Variants in MACROD2 observed in about 807,000 individuals in gnomAD.
The protein encoded by MACROD2 is ADP-ribose glycohydrolase MACROD2.
MACROD2 carries 36 observed loss-of-function variants against 70.4 expected under a neutral mutation model. The observed-to-expected ratio is 0.51, with a 90% CI of 0.39 to 0.68. The LOEUF (loss-of-function observed/expected upper bound fraction) is 0.68, where lower values mean the gene tolerates loss of function less well. MACROD2 is among the 30% of genes least tolerant of loss of function. MACROD2 has a pLI of 0.00. For synonymous variants in MACROD2, 172 were observed against 178.8 expected (o/e 0.96, Z 0.30); for missense variants, 496 against 538.4 (o/e 0.92, Z 0.78).
chr20:14,423,226 A>C (rs975739663), intron 3 of MACROD2, among the ~76,000 whole-genome samples: 1 of 151,678 alleles, frequency 6.6e-6, no homozygotes. Context: ...ACACCACAAA[A>C]TTTTCTATTA....
rs143487405 is a variant in MACROD2 at position 14,411,835 on chromosome 20, C to A, written c.272-81644C>A. Among the ~76,000 whole-genome samples the A allele has an allele frequency of 2.6e-4, 40 of 152,270 alleles. No individual in the cohort carries two copies. In the East Asian group the frequency reaches 7.5e-3, roughly 29 times the overall value. On this transcript the variant is annotated intron_variant, in intron 3 of 17. Coordinates refer to ENST00000684519, the MANE Select transcript of MACROD2 (RefSeq NM_001351661.2). ...CCATAGACTGCGATGAAAATAGCAT[C>A]CCCTAGAGTTTATGCAGCTTGATAG...
At chr20:15,431,817 G>A (rs1057199805) in intron 7 of MACROD2, among the ~76,000 whole-genome samples, 7 of 151,916 alleles carry the variant, frequency 4.6e-5, no homozygotes, top group Non-Finnish European at 1.0e-4. Context: ...CAAAATAATA[G>A]AAAAATTAAA....
chr20:15,804,113 T>A (rs877271), intron 8 of MACROD2, among the ~76,000 whole-genome samples: 32,273 of 152,130 alleles, frequency 0.21, 3,490 homozygotes, highest in African/African-American at 0.22. Flanking sequence ...TTTTGGATGA[T>A]GAAGTGGCTT....
chr20:14,391,144 G>C (rs1372828702), intron 3 of MACROD2, among the ~76,000 whole-genome samples: 1 of 152,028 alleles, frequency 6.6e-6, no homozygotes, highest in East Asian at 1.9e-4. Flanking sequence ...CAAAATATCA[G>C]TTGTTCTGTT....
At chr20:14,217,063 G>A (rs181366822) in intron 3 of MACROD2, among the ~76,000 whole-genome samples, 1 of 152,144 alleles carries the variant, frequency 6.6e-6, no homozygotes, top group Non-Finnish European at 1.5e-5. Context: ...AGTGGTGAGA[G>A]TGGGCATCCT....
intron 4 of MACROD2, among the ~76,000 whole-genome samples, chr20:14,504,029 T>G (rs910804797): frequency 1.3e-5 from 2 of 152,234 alleles, no homozygotes; most frequent in Non-Finnish European, 2.9e-5. Context: ...CTATCCCTAC[T>G]GTGTCTCCAT....
At chr20:14,847,276 T>C (rs1012200933) in intron 5 of MACROD2, among the ~76,000 whole-genome samples, 1 of 152,172 alleles carries the variant, frequency 6.6e-6, no homozygotes, top group Non-Finnish European at 1.5e-5. Context: ...ACTATGCAAA[T>C]TGGACTGATG....
At chr20:14,779,279 C>T (rs377361543) in intron 5 of MACROD2, among the ~76,000 whole-genome samples, 15 of 152,220 alleles carry the variant, frequency 9.9e-5, no homozygotes, top group African/African-American at 2.7e-4. Context: ...ATACTAGTCA[C>T]GCTTTCACTC....
chr20:14,600,992 GT>G (rs1982460071), intron 4 of MACROD2, among the ~76,000 whole-genome samples: 1 of 152,150 alleles, frequency 6.6e-6, no homozygotes, highest in South Asian at 2.1e-4. Flanking sequence ...GGAAGCCTCT[GT>G]CTTGTTGACT....
chr20:14,890,971 CT>C (rs1600775689), intron 5 of MACROD2, among the ~76,000 whole-genome samples: 2 of 135,724 alleles, frequency 1.5e-5, no homozygotes, highest in Non-Finnish European at 3.1e-5. Flanking sequence ...TCCTTCCTTC[CT>C]TCCTTCCTTC....
intron 8 of MACROD2, among the ~76,000 whole-genome samples, chr20:15,509,421 G>T (rs984294314): frequency 1.3e-5 from 2 of 152,056 alleles, no homozygotes; most frequent in Non-Finnish European, 2.9e-5. Context: ...CAGGGTGCAG[G>T]TATTAAAAAA....
chr20:14,268,728 T>C (rs955018881), intron 3 of MACROD2, among the ~76,000 whole-genome samples: 1 of 152,234 alleles, frequency 6.6e-6, no homozygotes, highest in African/African-American at 2.4e-5. Context: ...CATCAAAATA[T>C]TAACTATTCA....
At chr20:14,566,335 G>C (rs1311205282) in intron 4 of MACROD2, among the ~76,000 whole-genome samples, 1 of 151,752 alleles carries the variant, frequency 6.6e-6, no homozygotes, top group Non-Finnish European at 1.5e-5. Context: ...GCTGAGTCAG[G>C]AGGATCACTT....
chr20:15,576,525 T>C (rs2048449365), intron 8 of MACROD2, among the ~76,000 whole-genome samples: 1 of 150,904 alleles, frequency 6.6e-6, no homozygotes, highest in South Asian at 2.1e-4. Context: ...TCCACCAGAC[T>C]GACTAACTTT....
chr20:15,361,132 C>T (rs922026149), intron 6 of MACROD2, among the ~76,000 whole-genome samples: 19 of 152,068 alleles, frequency 1.2e-4, no homozygotes, highest in Non-Finnish European at 2.5e-4. Flanking sequence ...GAACTTTTCA[C>T]AAGCTCTATA....
chr20:15,092,713 A>G (rs2075801499), intron 5 of MACROD2, among the ~76,000 whole-genome samples: 1 of 152,142 alleles, frequency 6.6e-6, no homozygotes, highest in African/African-American at 2.4e-5. Flanking sequence ...GAAAAAATAT[A>G]AATATTATAA....
chr20:14,969,401 C>CACACACACAT (rs5840640), intron 5 of MACROD2, among the ~76,000 whole-genome samples: 2 of 135,754 alleles, frequency 1.5e-5, no homozygotes, highest in African/African-American at 5.7e-5. Context: ...CACACACACA[C>CACACACACAT]ATATATAAGC....
chr20:14,633,147 C>T (rs1047315381), intron 4 of MACROD2, among the ~76,000 whole-genome samples: 3 of 152,232 alleles, frequency 2.0e-5, no homozygotes, highest in Non-Finnish European at 2.9e-5. Context: ...TTGCATCACT[C>T]CAGTCTCTGC....
intron 3 of MACROD2, among the ~76,000 whole-genome samples, chr20:14,406,524 CTGTT>C (rs2083692784): frequency 6.6e-6 from 1 of 152,066 alleles, no homozygotes; most frequent in African/African-American, 2.4e-5. Flanking sequence ...TATACAGAAA[CTGTT>C]TGAGACAGCT....
Sources: allele counts gnomAD v4.1 joint callset (sites outside exome capture counted in the v4.1 genomes callset), GRCh38; gene constraint gnomAD v4.1.1; transcripts MANE v1.5; gene names NCBI Gene and HGNC (gene_info 2026-07-23, HGNC 2026-07-21).